The following CLN6 variants were observed in gnomAD, a reference collection of about 807,000 sequenced individuals.
The protein encoded by CLN6 is CLN6 transmembrane ER protein.
A neutral mutation model predicts 33.3 loss-of-function variants in CLN6; 22 were observed. The ratio of observed to expected loss-of-function variants is 0.66; its 90% CI spans 0.47 to 0.94. CLN6 has a LOEUF of 0.94. Among genes scored for constraint, CLN6 ranks in the 40% least tolerant of loss-of-function variants. The pLI, the probability that CLN6 is intolerant of heterozygous loss-of-function variation, is 0.00. For synonymous variants in CLN6, 201 were observed against 174.6 expected, an observed-to-expected ratio of 1.15 and a Z score of -1.19; for missense variants, 387 against 417.1, an observed-to-expected ratio of 0.93 and a Z score of 0.63.
chr15:68,251,699 A>C (rs1456804852), intron 1 of CLN6, among the ~76,000 whole-genome samples: 1 of 134,398 alleles, frequency 7.4e-6, no homozygotes, highest in African/African-American at 2.8e-5. Context: ...AACAAACAGA[A>C]TAAGGCAAAG....
At position 68,247,759 on chromosome 15, in the gene CLN6, T is replaced by C. The variant is rs1892341472; in HGVS notation, c.179+8931A>G. ...ACGAACAAACCTGGGTCAGGCATGG[T>C]GGCTCATGCCTGTAATCTGAGCACT... is the stretch of plus-strand genomic sequence containing the variant. On this transcript the variant is annotated intron_variant, in intron 1 of 6. Coordinates refer to the CLN6 transcript ENST00000538696. The surrounding 1 kb of genome is among the most constrained non-coding windows in gnomAD (Gnocchi z 4.2). Among the ~76,000 whole-genome samples the C allele has an allele frequency of 1.3e-5, 2 of 152,146 alleles. No individual in the cohort carries two copies. Among genetic ancestry groups the C allele is most frequent in the South Asian group, 4.1e-4 (2 of 4,836 alleles).
In CLN6 at chr15:68,208,089, C is replaced by A; in HGVS notation, c.*51G>T. Reference sequence around the variant, plus strand: ...CCCTACTCCTGTATTCAGATGCCCTCCATGGCCCACCCTCCCACCCAGCAG... The same window carrying A: ...CCCTACTCCTGTATTCAGATGCCCTACATGGCCCACCCTCCCACCCAGCAG... On this transcript the variant is annotated 3_prime_UTR_variant, in exon 7 of 7. Transcript: ENST00000249806. The surrounding 1 kb of genome is among the most constrained non-coding windows in gnomAD (Gnocchi z 5.8). 1 of 1,518,130 alleles carries A rather than the reference C, an allele frequency of 6.6e-7. No homozygotes were observed. Among genetic ancestry groups the A allele is most frequent in the South Asian group, 1.2e-5 (1 of 83,994 alleles). The allele number at this position is 1,518,130 out of a possible 1,614,324, so 94.0% of individuals were successfully genotyped here.
rs143819528 is a variant in CLN6, at chr15:68,238,574, T to C, written c.179+18116A>G. 1.1e-4 allele frequency among the ~76,000 whole-genome samples: 17 copies of C among 152,234 alleles called. No homozygotes were observed. In the East Asian group the frequency reaches 3.1e-3, roughly 28 times the overall value. ...GAATTTAGAAGACAGAAAAATATCTTCAAAGTGTTAAGAGAAAGTTAACCC... is the reference window on the plus strand; with the variant it reads ...GAATTTAGAAGACAGAAAAATATCTCCAAAGTGTTAAGAGAAAGTTAACCC... On this transcript the variant is annotated intron_variant, in intron 1 of 6. Transcript: ENST00000538696.
At chr15:68,230,750 G>A (rs1021402415), upstream of CLN6, among the ~76,000 whole-genome samples, 8 of 152,140 alleles carry the variant, frequency 5.3e-5, no homozygotes, top group Non-Finnish European at 8.8e-5. The surrounding 1 kb of genome is among the most constrained non-coding windows in gnomAD (Gnocchi z 4.0). Context: ...CTCGAGACCT[G>A]AGGTTTCCCT....
In CLN6 at chr15:68,220,594, G is replaced by A. The variant is rs1180489145; in HGVS notation, c.84-1944C>T. ...GGTTCCACCCTCAAGGGACATCCAG[G>A]TAAGAATGAAGTAGCCTCGCAGAGA... is the stretch of plus-strand genomic sequence containing the variant. On this transcript the variant is annotated intron_variant, in intron 1 of 6. Transcript: ENST00000249806. The surrounding 1 kb of genome is among the most constrained non-coding windows in gnomAD (Gnocchi z 4.2). 6.6e-6 allele frequency among the ~76,000 whole-genome samples: 1 copy of A among 152,206 alleles called. No homozygotes were observed. Among genetic ancestry groups the A allele is most frequent in the African/African-American group, 2.4e-5 (1 of 41,438 alleles).
upstream of CLN6, among the ~76,000 whole-genome samples, chr15:68,234,152 C>T (rs1273757771): frequency 1.3e-5 from 2 of 152,196 alleles, no homozygotes; most frequent in African/African-American, 2.4e-5. This position sits in a 1 kb window ranked among gnomAD's most constrained non-coding sequence, Gnocchi z 4.1. Flanking sequence ...CCCAGGAAGG[C>T]ACCACCCACA....
rs748664135 is a variant in CLN6, at chr15:68,229,619, G to A, written c.-35C>T. 3 of 1,438,668 alleles carry A rather than the reference G, an allele frequency of 2.1e-6. No individual in the cohort carries two copies. Among genetic ancestry groups the A allele is most frequent in the South Asian group, 2.6e-5 (2 of 75,680 alleles). 89.1% of individuals were successfully genotyped at this position (1,438,668 alleles called of 1,614,324 possible). ...GCAGGCCCCTCGGCCCTGCCTTTCC[G>A]AGGAAGAGACCGGTTCAGCTCGGCT... On this transcript the variant is annotated 5_prime_UTR_variant, in exon 1 of 7. Coordinates refer to ENST00000249806, the MANE Select transcript of CLN6 (RefSeq NM_017882.3).
intron 1 of CLN6, among the ~76,000 whole-genome samples, chr15:68,252,083 C>T (rs1215013758): frequency 6.6e-6 from 1 of 150,988 alleles, no homozygotes; most frequent in Non-Finnish European, 1.5e-5. Flanking sequence ...AAGCGATTCT[C>T]CTGCCTCAGC....
Position 68,208,150 on chromosome 15 carries a change from C to A in CLN6, c.926G>T (p.Ser309Ile), listed in dbSNP as rs1330655339. The A allele has an allele frequency of 6.2e-7, 1 of 1,612,424 alleles. No homozygotes were observed. Among genetic ancestry groups the A allele is most frequent in the African/African-American group, 1.3e-5 (1 of 74,680 alleles). Residue 309 changes from serine (S) to isoleucine (I), a missense_variant, in exon 7 of 7, where the codon AGT becomes ATT. By Grantham distance (142) the Ser-to-Ile change is moderately radical. Transcript: ENST00000249806. The surrounding 1 kb of genome is among the most constrained non-coding windows in gnomAD (Gnocchi z 5.8). ...CCTGGTGCCAGGGACTCAGTGCCGA[C>A]TGCTGACGTGAAGGGTGTAGAAAGC... The part of the protein sequence containing the change: ...PWAFYTLHVS[S>I]RH
intron 1 of CLN6, among the ~76,000 whole-genome samples, chr15:68,248,153 C>A (rs762867750): frequency 6.6e-6 from 1 of 151,842 alleles, no homozygotes; most frequent in Non-Finnish European, 1.5e-5. Flanking sequence ...ACTAATGGAA[C>A]AGAACAGAGA....
At chr15:68,215,249 C>T (rs2093217394) in intron 2 of CLN6, 1 of 148,922 alleles carries the variant, frequency 6.7e-6, no homozygotes, top group African/African-American at 2.5e-5. Flanking sequence ...ATAAAACTCA[C>T]AGAATGCAGC....
chr15:68,244,301 A>C (rs1490770959), intron 1 of CLN6, among the ~76,000 whole-genome samples: 1 of 152,114 alleles, frequency 6.6e-6, no homozygotes. Context: ...AAGGATCCTA[A>C]AAGCAGCAAT....
chr15:68,219,678 C>G lies in CLN6; in HGVS notation c.84-1028G>C, dbSNP rs551430922. ...GGCATAATGGGGCTGGAGCTGTACT[C>G]TCCCATCTAGACCCTCGAGAACAGG... On this transcript the variant is annotated intron_variant, in intron 1 of 6. Coordinates refer to ENST00000249806, the MANE Select transcript of CLN6 (RefSeq NM_017882.3). This position sits in a 1 kb window ranked among gnomAD's most constrained non-coding sequence, Gnocchi z 4.2. Among the ~76,000 whole-genome samples the G allele has an allele frequency of 6.6e-6, 1 of 152,298 alleles. No homozygotes were observed. The highest frequency in any genetic ancestry group is 1.9e-4 in the East Asian group (1 of 5,182).
Position 68,226,057 on chromosome 15 carries a change from G to T in CLN6, c.83+3445C>A, listed in dbSNP as rs927951618. 6.0e-5 allele frequency among the ~76,000 whole-genome samples: 9 copies of T among 149,632 alleles called. No individual in the cohort carries two copies. In the East Asian group the frequency reaches 1.8e-3, roughly 30 times the overall value. On this transcript the variant is annotated intron_variant, in intron 1 of 6. Coordinates refer to ENST00000249806, the MANE Select transcript of CLN6 (RefSeq NM_017882.3). ...GGACTTGGCTGGGCGCGGTGGCTCA[G>T]GCCTGTAATCCCAGCACTTTGGGAG...
Position 68,208,255 on chromosome 15 carries a change from G to A in CLN6, c.821C>T (p.Ala274Val), listed in dbSNP as rs202012876. ...ATTCCACAGCCAGGCGACCCAGAGC[G>A]CCACAAGCAAGAGGGTCAGTGCGAA... Reference protein sequence around the residue: ...SSFALTLLLVALWVAWLWNDP... With the variant: ...SSFALTLLLVVLWVAWLWNDP... The change falls in exon 7 of 7, where the codon GCG becomes GTG. Residue 274 changes from alanine (A) to valine (V), a missense_variant. Ala to Val is a moderately conservative substitution (Grantham distance 64). Transcript: ENST00000249806. This position sits in a 1 kb window ranked among gnomAD's most constrained non-coding sequence, Gnocchi z 5.8. The A allele has an allele frequency of 3.6e-5, 58 of 1,613,942 alleles. No individual in the cohort carries two copies. The highest frequency in any genetic ancestry group is 1.5e-4 in the Admixed American group (9 of 59,994).
At chr15:68,252,044 G>A (rs1318755404) in intron 1 of CLN6, among the ~76,000 whole-genome samples, 2 of 148,624 alleles carry the variant, frequency 1.3e-5, no homozygotes, top group Non-Finnish European at 3.0e-5. Context: ...CGTGATCTCG[G>A]CTCACCGCAA....
chr15:68,257,010 C>A (rs536653794), exon 1 of CLN6: 99 of 538,630 alleles, frequency 1.8e-4, no homozygotes, highest in Non-Finnish European at 1.3e-5. Context: ...GGACTGAGCG[C>A]GACTGACGCA....
rs1346658571 is a variant in CLN6, at chr15:68,227,319, G to A, written c.83+2183C>T. Among the ~76,000 whole-genome samples, 1 of 152,196 alleles carries A rather than the reference G, an allele frequency of 6.6e-6. No homozygotes were observed. The highest frequency in any genetic ancestry group is 2.4e-5 in the African/African-American group (1 of 41,452). ...CTCCCAAAGTGCTGGGATTACAGGC[G>A]TGAGCCATGGCACCCGGCCTAATTG... On this transcript the variant is annotated intron_variant, in intron 1 of 6. Coordinates refer to ENST00000249806, the MANE Select transcript of CLN6 (RefSeq NM_017882.3). This position sits in a 1 kb window ranked among gnomAD's most constrained non-coding sequence, Gnocchi z 4.1.
chr15:68,229,532 G>A lies in CLN6; in HGVS notation c.53C>T (p.Ala18Val), dbSNP rs547125345. ...CTGCAGGAAGGAGGCGCCCAGCTGC[G>A]CGCCTGGGCCGCCCGTCGCTCCCAG... ...QHLGATGGPG[A>V]QLGASFLQAR... The change falls in exon 1 of 7, where the codon GCG (alanine) becomes GTG (valine). Residue 18 changes from alanine (A) to valine (V), a missense_variant. Physicochemically the swap from Ala to Val is moderately conservative, Grantham distance 64. Coordinates refer to ENST00000249806, the MANE Select transcript of CLN6 (RefSeq NM_017882.3). 337 of 1,466,042 alleles carry A rather than the reference G, an allele frequency of 2.3e-4. 2 individuals carry two copies. In the African/African-American group the frequency reaches 4.2e-3, roughly 18 times the overall value. The allele number at this position is 1,466,042 out of a possible 1,614,324, so 90.8% of individuals were successfully genotyped here.
Sources: gnomAD v4.1 joint callset for allele counts (sites outside exome capture counted in the v4.1 genomes callset) on GRCh38, gnomAD v4.1.1 for gene constraint, Gnocchi (gnomAD v3.1) non-coding constraint, MANE v1.5 for transcripts, NCBI Gene and HGNC (gene_info 2026-07-23, HGNC 2026-07-21) for gene names.